GPHN: variants seen among roughly 807,000 people sequenced by gnomAD.
The protein encoded by GPHN is gephyrin.
GPHN carries 17 observed loss-of-function variants against 95.5 expected under a neutral mutation model. The observed-to-expected ratio is 0.18, with a 90% CI of 0.12 to 0.27. The LOEUF is 0.27. Ranked by LOEUF, GPHN falls within the 10% of genes least tolerant of loss-of-function variation. GPHN has a pLI of 1.00. For missense variants in GPHN, 660 were observed against 978.1 expected, an observed-to-expected ratio of 0.67 and a Z score of 4.34; for synonymous variants, 320 against 322.5, an observed-to-expected ratio of 0.99 and a Z score of 0.08.
At chr14:66,703,748 G>C (rs537520484) in intron 2 of GPHN, among the ~76,000 whole-genome samples, 2 of 152,204 alleles carry the variant, frequency 1.3e-5, no homozygotes, top group East Asian at 3.9e-4. Context: ...AAAATAACCA[G>C]GTAGCATCAT....
the GPHN span, chr14:67,395,433 A>G: frequency 6.2e-7 from 1 of 1,613,902 alleles, no homozygotes; most frequent in Non-Finnish European, 8.5e-7. Context: ...AGCTTGAAGG[A>G]GTTTCTCAGG....
At chr14:67,108,712 G>GTGTGT (rs1555492926) in intron 13 of GPHN, among the ~76,000 whole-genome samples, 1 of 131,142 alleles carries the variant, frequency 7.6e-6, no homozygotes, top group Non-Finnish European at 1.6e-5. Context: ...TTCCCTAAGG[G>GTGTGT]GTGTGTGTGT....
the GPHN span, among the ~76,000 whole-genome samples, chr14:67,664,975 T>C: frequency 6.6e-6 from 1 of 152,326 alleles, no homozygotes; most frequent in African/African-American, 2.4e-5. Flanking sequence ...CAAGTGATTC[T>C]CATGCCTCAG....
intron 3 of GPHN, among the ~76,000 whole-genome samples, chr14:66,807,259 G>T (rs932117249): frequency 6.6e-6 from 1 of 152,146 alleles, no homozygotes; most frequent in African/African-American, 2.4e-5. Context: ...CCTCCCACCA[G>T]GTCCCTCCCA....
At chr14:67,646,990 G>A in the GPHN span, 5 of 1,612,904 alleles carry the variant, frequency 3.1e-6, no homozygotes, top group Admixed American at 3.3e-5. Context: ...GTATCCAGAA[G>A]GTCATGGAAC....
intron 3 of GPHN, among the ~76,000 whole-genome samples, chr14:66,793,415 A>G (rs2060044418): frequency 6.6e-6 from 1 of 152,208 alleles, no homozygotes; most frequent in Non-Finnish European, 1.5e-5. Context: ...CACAGGAACA[A>G]AATAATAAAA....
chr14:67,425,125 C>T, the GPHN span, among the ~76,000 whole-genome samples: 1 of 152,074 alleles, frequency 6.6e-6, no homozygotes, highest in African/African-American at 2.4e-5. Context: ...CACTCTGTTG[C>T]CCAGGCTGGA....
At position 66,895,347 on chromosome 14, in the gene GPHN, G is replaced by A. The variant is rs908578118; in HGVS notation, c.389+15314G>A. Among the ~76,000 whole-genome samples the A allele has an allele frequency of 2.6e-5, 4 of 152,116 alleles. No homozygotes were observed. In the South Asian group the frequency reaches 8.3e-4, roughly 32 times the overall value. Reference sequence around the variant, plus strand: ...CACAGGAAAGGGAACGTCACACACCGGGGCCTGTTGTGGGATGCGGGGAGC... The same window carrying A: ...CACAGGAAAGGGAACGTCACACACCAGGGCCTGTTGTGGGATGCGGGGAGC... On this transcript the variant is annotated intron_variant, in intron 5 of 22. Coordinates refer to ENST00000478722, the MANE Select transcript of GPHN (RefSeq NM_020806.5).
chr14:66,996,156 T>C (rs1489099597), intron 9 of GPHN: 3 of 1,521,754 alleles, frequency 2.0e-6, no homozygotes, highest in East Asian at 4.9e-5. Flanking sequence ...CAGTGTTTTC[T>C]TTTCCCCACT....
At chr14:66,760,379 T>A (rs1055819537) in intron 2 of GPHN, among the ~76,000 whole-genome samples, 7 of 152,230 alleles carry the variant, frequency 4.6e-5, no homozygotes, top group Non-Finnish European at 8.8e-5. Context: ...TCTCATTTAA[T>A]TATGTTTTGC....
At chr14:67,076,309 A>G (rs557340183) in intron 11 of GPHN, among the ~76,000 whole-genome samples, 2 of 152,346 alleles carry the variant, frequency 1.3e-5, no homozygotes, top group African/African-American at 4.8e-5. Flanking sequence ...TTTCACACTT[A>G]ATAGACTACA....
At chr14:66,958,260 G>T (rs1225673275) in intron 8 of GPHN, among the ~76,000 whole-genome samples, 1 of 151,468 alleles carries the variant, frequency 6.6e-6, no homozygotes, top group Non-Finnish European at 1.5e-5. Flanking sequence ...AACAGTTTTG[G>T]CTTCAAAGTT....
At chr14:66,961,057 T>G (rs1312787946) in intron 8 of GPHN, among the ~76,000 whole-genome samples, 1 of 152,088 alleles carries the variant, frequency 6.6e-6, no homozygotes, top group Non-Finnish European at 1.5e-5. Flanking sequence ...GCCCTTTGAG[T>G]GTGTCCTTCA....
intron 9 of GPHN, among the ~76,000 whole-genome samples, chr14:66,968,861 T>C (rs1253103632): frequency 6.7e-6 from 1 of 148,596 alleles, no homozygotes; most frequent in African/African-American, 2.5e-5. Flanking sequence ...CTAGAATTGA[T>C]TATCAAGAAT....
chr14:66,842,699 T>A, intron 4 of GPHN: 2 of 1,534,892 alleles, frequency 1.3e-6, no homozygotes, highest in Non-Finnish European at 1.7e-6. Flanking sequence ...ATTCCCATTT[T>A]GTGGGCTCCA....
the GPHN span, among the ~76,000 whole-genome samples, chr14:67,480,761 A>C: frequency 2.1e-5 from 3 of 144,318 alleles, no homozygotes; most frequent in Admixed American, 6.8e-5. Flanking sequence ...TGTGGATCTC[A>C]TTACTCAGGC....
the GPHN span, among the ~76,000 whole-genome samples, chr14:67,192,723 T>C: frequency 4.6e-5 from 7 of 151,032 alleles, no homozygotes; most frequent in Admixed American, 3.3e-4. Flanking sequence ...AAAAAAAAAA[T>C]TTAATGTTAT....
intron 2 of GPHN, among the ~76,000 whole-genome samples, chr14:66,683,945 C>T (rs2067169166): frequency 6.7e-6 from 1 of 150,020 alleles, no homozygotes; most frequent in Non-Finnish European, 1.5e-5. Context: ...CACCACACTC[C>T]AGCGTGGGCA....
the GPHN span, chr14:67,685,125 C>A: frequency 6.2e-7 from 1 of 1,614,186 alleles, no homozygotes; most frequent in Non-Finnish European, 8.5e-7. Context: ...GCCACCACAT[C>A]CATCTCATGA....
Sources: allele counts gnomAD v4.1 joint callset (sites outside exome capture counted in the v4.1 genomes callset), GRCh38; gene constraint gnomAD v4.1.1; transcripts MANE v1.5; gene names NCBI Gene and HGNC (gene_info 2026-07-23, HGNC 2026-07-21).